The following NTRK2 variants were observed in gnomAD, a reference collection of about 807,000 sequenced individuals.
NTRK2 encodes neurotrophic receptor tyrosine kinase 2, also known as BDNF/NT-3 growth factors receptor.
Under a neutral mutation model 94.5 loss-of-function variants are expected in NTRK2, and 13 were observed. The observed-to-expected ratio is 0.14, with a 90% CI of 0.09 to 0.22. The LOEUF (loss-of-function observed/expected upper bound fraction) is 0.22, where lower values mean the gene tolerates loss of function less well. NTRK2 is among the 10% of genes least tolerant of loss of function. NTRK2 has a pLI of 1.00. For missense variants in NTRK2, 639 were observed against 1,071.2 expected, an observed-to-expected ratio of 0.60 and a Z score of 5.63; for synonymous variants, 372 against 407.4, an observed-to-expected ratio of 0.91 and a Z score of 1.05.
At chr9:84,813,015 C>A (rs2071985334) in intron 12 of NTRK2, 2 of 1,035,778 alleles carry the variant, frequency 1.9e-6, no homozygotes, top group Non-Finnish European at 2.3e-6. Context: ...TACTCTAGAC[C>A]ACCCCTTTTC....
chr9:84,909,574 C>T (rs776660256), intron 14 of NTRK2, among the ~76,000 whole-genome samples: 2 of 151,992 alleles, frequency 1.3e-5, no homozygotes, highest in African/African-American at 2.4e-5. Flanking sequence ...TCCTGTTTCT[C>T]CACATCCTCA....
At chr9:84,755,570 T>A (rs922512252) in intron 12 of NTRK2, among the ~76,000 whole-genome samples, 2 of 137,050 alleles carry the variant, frequency 1.5e-5, no homozygotes, top group Non-Finnish European at 3.0e-5. Context: ...TCCATATGAG[T>A]CATGGCCATA....
intron 14 of NTRK2, among the ~76,000 whole-genome samples, chr9:84,899,521 C>A (rs1303805332): frequency 6.6e-6 from 1 of 152,184 alleles, no homozygotes; most frequent in African/African-American, 2.4e-5. Context: ...GACCTACTTC[C>A]CAGTCTGGTG....
At chr9:85,007,577 A>T (rs1295786791) in intron 17 of NTRK2, among the ~76,000 whole-genome samples, 2 of 152,172 alleles carry the variant, frequency 1.3e-5, no homozygotes, top group African/African-American at 4.8e-5. Context: ...GAACTTGAAG[A>T]TTTCTCAAAA....
chr9:84,851,109 T>TCCTA (rs2074746150), intron 12 of NTRK2, among the ~76,000 whole-genome samples: 1 of 152,112 alleles, frequency 6.6e-6, no homozygotes, highest in Admixed American at 6.6e-5. Context: ...TGTTAGATGC[T>TCCTA]CCTAGCACAC....
At chr9:84,716,520 C>A (rs1432475995) in intron 6 of NTRK2, among the ~76,000 whole-genome samples, 1 of 152,106 alleles carries the variant, frequency 6.6e-6, no homozygotes, top group Non-Finnish European at 1.5e-5. Flanking sequence ...TTAACACTCC[C>A]AGATTAAAAG....
rs146227216 is a variant in NTRK2, at chr9:84,876,394, C to A, written c.1633+8963C>A. On this transcript the variant is annotated intron_variant, in intron 14 of 18. Coordinates refer to ENST00000277120, the MANE Select transcript of NTRK2 (RefSeq NM_006180.6). ...TACAGGAATGATTACTTTTCAGATC[C>A]ATTTATGTTTTCATGCTCAATACTT... 6.3e-4 allele frequency: 660 copies of A among 1,053,854 alleles called. 2 individuals are homozygous for A. In the African/African-American group the frequency reaches 0.01, roughly 16 times the overall value. The allele number at this position is 1,053,854 out of a possible 1,614,324, so 65.3% of individuals were successfully genotyped here.
intron 17 of NTRK2, among the ~76,000 whole-genome samples, chr9:85,019,347 C>T (rs1832579088): frequency 6.6e-6 from 1 of 152,136 alleles, no homozygotes; most frequent in Non-Finnish European, 1.5e-5. Flanking sequence ...GAACCTACCG[C>T]CACAGGACTA....
At chr9:84,908,827 A>G (rs1019009363) in intron 14 of NTRK2, among the ~76,000 whole-genome samples, 1 of 152,160 alleles carries the variant, frequency 6.6e-6, no homozygotes, top group African/African-American at 2.4e-5. Flanking sequence ...AACTTACTCA[A>G]TGGCACAAGG....
chr9:84,826,339 G>C (rs2073187608), intron 12 of NTRK2, among the ~76,000 whole-genome samples: 1 of 152,134 alleles, frequency 6.6e-6, no homozygotes, highest in Non-Finnish European at 1.5e-5. Context: ...CCTTCTCCCT[G>C]AGTCTCTGTG....
At chr9:84,961,911 G>A (rs1197030584) in intron 17 of NTRK2, among the ~76,000 whole-genome samples, 2 of 152,210 alleles carry the variant, frequency 1.3e-5, no homozygotes, top group African/African-American at 4.8e-5. Flanking sequence ...CCTAGGCCAG[G>A]ATAGAGAGGA....
chr9:84,844,313 G>A (rs1262436875), intron 12 of NTRK2, among the ~76,000 whole-genome samples: 1 of 152,172 alleles, frequency 6.6e-6, no homozygotes, highest in Non-Finnish European at 1.5e-5. Flanking sequence ...CCTTAGTCCA[G>A]CCATGGATGG....
chr9:85,022,161 C>G lies in NTRK2; in HGVS notation c.*724C>G, dbSNP rs987710739. On this transcript the variant is annotated 3_prime_UTR_variant, in exon 19 of 19. Coordinates refer to ENST00000277120, the MANE Select transcript of NTRK2 (RefSeq NM_006180.6). ...CACTGGGATCAGCTGGTGTCAGTCC[C>G]TACTTAGGAAATACTCAGCAACTGT... 1.7e-5 allele frequency: 4 copies of G among 233,224 alleles called. No homozygotes were observed. The highest frequency in any genetic ancestry group is 8.8e-5 in the African/African-American group (4 of 45,344). The allele number at this position is 233,224 out of a possible 1,614,324, so 14.4% of individuals were successfully genotyped here. A position where few individuals can be genotyped will look rare whatever the true frequency, so the allele number is the denominator to read the frequency against.
intron 15 of NTRK2, among the ~76,000 whole-genome samples, chr9:84,943,802 T>C (rs550008855): frequency 6.6e-6 from 1 of 152,290 alleles, no homozygotes; most frequent in African/African-American, 2.4e-5. Flanking sequence ...ATAGGGTTGA[T>C]AGCAGGATTT....
intron 12 of NTRK2, among the ~76,000 whole-genome samples, chr9:84,761,009 G>T (rs937717091): frequency 6.6e-6 from 1 of 152,338 alleles, no homozygotes. Flanking sequence ...CACAGACCCT[G>T]CATTTTCTGT....
intron 6 of NTRK2, among the ~76,000 whole-genome samples, chr9:84,712,597 A>G (rs964669640): frequency 5.3e-5 from 8 of 151,972 alleles, no homozygotes; most frequent in Middle Eastern, 3.4e-3. Context: ...CGACAGACTT[A>G]TTTTTCCTAT....
chr9:84,816,351 C>T (rs1287959968), intron 12 of NTRK2, among the ~76,000 whole-genome samples: 1 of 152,024 alleles, frequency 6.6e-6, no homozygotes, highest in African/African-American at 2.4e-5. Flanking sequence ...ACCTCAGGCT[C>T]CAATTCATTT....
chr9:84,985,954 C>T (rs1828239272), intron 17 of NTRK2, among the ~76,000 whole-genome samples: 1 of 152,156 alleles, frequency 6.6e-6, no homozygotes, highest in Non-Finnish European at 1.5e-5. Flanking sequence ...AGAAGAGCTG[C>T]TCCAGGACTC....
At chr9:84,810,491 AT>A (rs1564327951) in intron 12 of NTRK2, 1 of 1,534,774 alleles carries the variant, frequency 6.5e-7, no homozygotes, top group East Asian at 2.3e-5. Flanking sequence ...GTTAATTTTC[AT>A]TGATTTTTCT....
Sources: allele counts gnomAD v4.1 joint callset (sites outside exome capture counted in the v4.1 genomes callset), GRCh38; gene constraint gnomAD v4.1.1; transcripts MANE v1.5; gene names NCBI Gene and HGNC (gene_info 2026-07-23, HGNC 2026-07-21).